Variants in NLRP4 observed in about 807,000 individuals in gnomAD.
NLRP4 encodes the protein NACHT, LRR and PYD domains-containing protein 4.
A neutral mutation model predicts 84.7 loss-of-function variants in NLRP4; 44 were observed. That is an observed-to-expected ratio of 0.52 (90% CI 0.41 to 0.67). The LOEUF (loss-of-function observed/expected upper bound fraction) is 0.67, where lower values mean the gene tolerates loss of function less well. Ranked by LOEUF, NLRP4 falls within the 30% of genes least tolerant of loss-of-function variation. The pLI, the probability that NLRP4 is intolerant of heterozygous loss-of-function variation, is 0.00. For synonymous variants in NLRP4, 544 were observed against 476.4 expected, an observed-to-expected ratio of 1.14 and a Z score of -1.85; for missense variants, 1,260 against 1,219.4, an observed-to-expected ratio of 1.03 and a Z score of -0.50.
intron 1 of NLRP4, among the ~76,000 whole-genome samples, chr19:55,839,986 T>C (rs1983545192): frequency 6.6e-6 from 1 of 152,208 alleles, no homozygotes; most frequent in Non-Finnish European, 1.5e-5. Context: ...GTTTCTTAAT[T>C]TTGGAATGTC....
intron 7 of NLRP4, among the ~76,000 whole-genome samples, chr19:55,871,951 G>A (rs543877014): frequency 4.6e-5 from 7 of 151,212 alleles, no homozygotes; most frequent in Admixed American, 2.7e-4. Context: ...CCGGGTTCAC[G>A]CCATTCTCGT....
At chr19:55,866,956 G>C (rs768498735) in intron 5 of NLRP4, among the ~76,000 whole-genome samples, 1 of 152,156 alleles carries the variant, frequency 6.6e-6, no homozygotes, top group Non-Finnish European at 1.5e-5. Context: ...AAGTTACTGG[G>C]GGAGGCTAAG....
intron 1 of NLRP4, among the ~76,000 whole-genome samples, chr19:55,839,245 C>G (rs1983512278): frequency 1.3e-5 from 2 of 151,722 alleles, no homozygotes; most frequent in African/African-American, 4.8e-5. Context: ...TTTTCTGTTC[C>G]AGTGTTAATT....
At chr19:55,849,853 A>AG (rs1983956475) in intron 1 of NLRP4, among the ~76,000 whole-genome samples, 2 of 71,412 alleles carry the variant, frequency 2.8e-5, no homozygotes, top group Admixed American at 1.6e-4. Flanking sequence ...AATTTCCGAG[A>AG]CTGCGGTGTA....
rs1440636892 is a variant in NLRP4, at chr19:55,871,015, T to A, written c.2525+18T>A. On this transcript the variant is annotated intron_variant, in intron 7 of 9. Transcript: ENST00000301295. ...TCACTGTGGTAGGCTTTTTGCTGTT[T>A]CTTTGAAGACCAAGCCGTCTTTTCA... The A allele has an allele frequency of 8.7e-6, 14 of 1,611,226 alleles. No individual in the cohort carries two copies. Among genetic ancestry groups the A allele is most frequent in the Non-Finnish European group, 1.1e-5 (13 of 1,177,898 alleles).
intron 6 of NLRP4, among the ~76,000 whole-genome samples, chr19:55,868,824 G>A (rs1985062891): frequency 6.6e-6 from 1 of 152,112 alleles, no homozygotes. Flanking sequence ...AGATAGGGGA[G>A]GATGGAGATT....
chr19:55,859,953 CAA>C (rs1171952787), intron 3 of NLRP4, among the ~76,000 whole-genome samples: 3 of 55,914 alleles, frequency 5.4e-5, no homozygotes, highest in African/African-American at 1.8e-4. Context: ...AAAAAAAAAA[CAA>C]AACACAAATC....
At position 55,858,991 on chromosome 19, in the gene NLRP4, A is replaced by C; in HGVS notation, c.1598A>C (p.Gln533Pro). The C allele has an allele frequency of 6.2e-7, 1 of 1,614,192 alleles. No individual in the cohort carries two copies. Among genetic ancestry groups the C allele is most frequent in the Non-Finnish European group, 8.5e-7 (1 of 1,180,034 alleles). Residue 533 changes from glutamine (Q) to proline (P), a missense_variant, in exon 3 of 10, where the codon CAG becomes CCG. Physicochemically the swap from Gln to Pro is moderately conservative, Grantham distance 76 (BLOSUM62 -1). Around this residue, in one of 3 missense-constraint regions of NLRP4, gnomAD observed 712 missense variants for 669.2 expected, o/e 1.06. Coordinates refer to ENST00000301295, the MANE Select transcript of NLRP4 (RefSeq NM_134444.5). The surrounding 1 kb of genome is among the most constrained non-coding windows in gnomAD (Gnocchi z 4.2). ...LSQEIKQQIH[Q>P]CLKSLGERGN... ...CAAGAGATAAAGCAGCAAATTCACC[A>C]GTGCCTGAAGAGCTTAGGGGAGCGT... is the stretch of plus-strand genomic sequence containing the variant.
In NLRP4 at chr19:55,859,129, A is replaced by G. The variant is rs1356411966; in HGVS notation, c.1736A>G (p.His579Arg). 2 of 1,614,056 alleles carry G rather than the reference A, an allele frequency of 1.2e-6. No homozygotes were observed. The highest frequency in any genetic ancestry group is 2.2e-5 in the East Asian group (1 of 44,870). Reference protein sequence around the residue: ...AVNLLQEANFHIIDNVDLVVS... With the variant: ...AVNLLQEANFRIIDNVDLVVS... ...AACCTCCTCCAAGAAGCTAACTTTCATATTATTGACAACGTGGACTTGGTG... is the reference window on the plus strand; with the variant it reads ...AACCTCCTCCAAGAAGCTAACTTTCGTATTATTGACAACGTGGACTTGGTG... Residue 579 changes from histidine to arginine, a missense_variant, in exon 3 of 10, where the codon CAT (histidine) becomes CGT (arginine). His to Arg is a conservative substitution (Grantham distance 29, BLOSUM62 0). Around this residue, in one of 3 missense-constraint regions of NLRP4, gnomAD observed 544 missense variants for 531.7 expected, o/e 1.02. Transcript: ENST00000301295.
chr19:55,867,642 G>T, intron 5 of NLRP4, 67 bp from the exon 6 acceptor site: 1 of 1,440,258 alleles, frequency 6.9e-7, no homozygotes, highest in East Asian at 2.3e-5. Context: ...ACTCTGACAG[G>T]ATTGGCAAGA....
chr19:55,838,768 A>G (rs1983493686), intron 1 of NLRP4, among the ~76,000 whole-genome samples: 1 of 152,062 alleles, frequency 6.6e-6, no homozygotes, highest in Non-Finnish European at 1.5e-5. Context: ...TTTACCCTAA[A>G]TGCTTCAGGG....
chr19:55,864,092 G>A (rs928143104), intron 5 of NLRP4, among the ~76,000 whole-genome samples: 1 of 152,044 alleles, frequency 6.6e-6, no homozygotes, highest in African/African-American at 2.4e-5. Context: ...TACTTTTAAA[G>A]TATAACTATG....
rs746424826 is a variant in NLRP4 at position 55,852,096 on chromosome 19, T to A, written c.16T>A (p.Phe6Ile). 1 of 1,593,576 alleles carries A rather than the reference T, an allele frequency of 6.3e-7. No homozygotes were observed. Among genetic ancestry groups the A allele is most frequent in the Middle Eastern group, 1.7e-4 (1 of 6,018 alleles). Residue 6 changes from phenylalanine to isoleucine, a missense_variant, in exon 2 of 10, where the codon TTC (phenylalanine) becomes ATC (isoleucine). Physicochemically the swap from Phe to Ile is conservative, Grantham distance 21 (BLOSUM62 0). Coordinates refer to ENST00000301295, the MANE Select transcript of NLRP4 (RefSeq NM_134444.5). Reference sequence around the variant, plus strand: ...TCCAGAAAAGATGGCAGCCTCTTTCTTCTCTGATTTTGGTCTTATGTGGTA... The same window carrying A: ...TCCAGAAAAGATGGCAGCCTCTTTCATCTCTGATTTTGGTCTTATGTGGTA... MAASF[F>I]SDFGLMWYLE...
At chr19:55,851,711 C>T (rs930802297) in intron 1 of NLRP4, among the ~76,000 whole-genome samples, 3 of 147,562 alleles carry the variant, frequency 2.0e-5, no homozygotes, top group East Asian at 2.0e-4. Context: ...GTGTAATGTC[C>T]GAGGCTGCGG....
chr19:55,851,975 T>C (rs1378179981), intron 1 of NLRP4, 41 bp from the exon 2 acceptor site: 1 of 818,150 alleles, frequency 1.2e-6, no homozygotes, highest in South Asian at 1.6e-5. Context: ...TCTTGATCCA[T>C]TTATTTGTAA....
rs1983462084 is a variant in NLRP4 at position 55,838,259 on chromosome 19, G to GTA, written c.-66+1325_-66+1326insTA. Among the ~76,000 whole-genome samples the GTA allele has an allele frequency of 2.0e-5, 3 of 151,320 alleles. No individual in the cohort carries two copies. The South Asian group carries it at 6.3e-4, about 32-fold the overall frequency. ...AGAGGTTGCAGTGAGCCAAGATTGC[G>GTA]CCATTGCATTCCAGCCTGGGCAACA... On this transcript the variant is annotated intron_variant, in intron 1 of 9. Coordinates refer to ENST00000301295, the MANE Select transcript of NLRP4 (RefSeq NM_134444.5).
chr19:55,853,160 G>A (rs372879459), intron 2 of NLRP4, among the ~76,000 whole-genome samples: 5 of 152,288 alleles, frequency 3.3e-5, no homozygotes, highest in East Asian at 1.9e-4. Flanking sequence ...GCACATTTGC[G>A]TTATCAATGG....
In NLRP4 at chr19:55,852,374, G is replaced by C; in HGVS notation, c.280+14G>C. The C allele has an allele frequency of 6.4e-7, 1 of 1,558,576 alleles. No homozygotes were observed. ...GGGAGAGAACAGGTGAGGGAGTCTG[G>C]GAAGGGGGAAGCCTTCTTATAATGA... On this transcript the variant is annotated intron_variant, in intron 2 of 9. Coordinates refer to ENST00000301295, the MANE Select transcript of NLRP4 (RefSeq NM_134444.5).
In NLRP4 at chr19:55,858,960, C is replaced by G; in HGVS notation, c.1567C>G (p.Leu523Val). The change falls in exon 3 of 10, where the codon CTG (leucine) becomes GTG (valine). Residue 523 changes from leucine to valine, a missense_variant. This residue lies in a region of NLRP4 where 712 missense variants were observed against 669.2 expected (regional missense o/e 1.06). Coordinates refer to ENST00000301295, the MANE Select transcript of NLRP4 (RefSeq NM_134444.5). The surrounding 1 kb of genome is among the most constrained non-coding windows in gnomAD (Gnocchi z 4.2). ...EKLDAFFGFQ[L>V]SQEIKQQIHQ... ...ACTGGATGCGTTTTTTGGCTTCCAA[C>G]TGTCCCAAGAGATAAAGCAGCAAAT... is the stretch of plus-strand genomic sequence containing the variant. 6.2e-7 allele frequency: 1 copy of G among 1,614,150 alleles called. No individual in the cohort carries two copies. The highest frequency in any genetic ancestry group is 8.5e-7 in the Non-Finnish European group (1 of 1,180,008).
Sources: allele counts gnomAD v4.1 joint callset (sites outside exome capture counted in the v4.1 genomes callset), GRCh38; gene constraint gnomAD v4.1.1; regional missense constraint gnomAD v4.1.1; non-coding constraint Gnocchi (gnomAD v3.1); transcripts MANE v1.5; gene names NCBI Gene and HGNC (gene_info 2026-07-23, HGNC 2026-07-21).